SLX9: variants seen among roughly 807,000 people sequenced by gnomAD.
The protein encoded by SLX9 is SLX9 ribosome biogenesis factor.
Under a neutral mutation model 20.8 loss-of-function variants are expected in SLX9, and 19 were observed. The observed-to-expected ratio is 0.91, with a 90% CI of 0.64 to 1.34. The LOEUF (loss-of-function observed/expected upper bound fraction) is 1.34. SLX9 is among the 40% of genes most tolerant of loss of function. The pLI is 0.00. For synonymous variants in SLX9, 113 were observed against 137.1 expected, an observed-to-expected ratio of 0.82 and a Z score of 1.23; for missense variants, 299 against 322.2, an observed-to-expected ratio of 0.93 and a Z score of 0.55.
At chr21:44,957,516 C>T (rs1219836318) in intron 2 of SLX9, among the ~76,000 whole-genome samples, 3 of 152,374 alleles carry the variant, frequency 2.0e-5, no homozygotes, top group Admixed American at 6.5e-5. Flanking sequence ...CAGATACAGG[C>T]GCTGTGGCAG....
In SLX9 at chr21:44,959,011, C is replaced by T. The variant is rs534723211; in HGVS notation, c.284-1089C>T. Reference sequence around the variant, plus strand: ...TACAGAAAAGCTGCAAAATCAGCCCCTCCCCTTTGTGGTCGGGAGGGAGAG... The same window carrying T: ...TACAGAAAAGCTGCAAAATCAGCCCTTCCCCTTTGTGGTCGGGAGGGAGAG... On this transcript the variant is annotated intron_variant, in intron 2 of 5. Coordinates refer to ENST00000291634, the MANE Select transcript of SLX9 (RefSeq NM_058190.4). 2.0e-5 allele frequency among the ~76,000 whole-genome samples: 3 copies of T among 152,336 alleles called. No homozygotes were observed. The South Asian group carries it at 6.2e-4, about 32-fold the overall frequency.
chr21:44,973,517 C>T (rs565217590), intron 5 of SLX9, among the ~76,000 whole-genome samples: 4 of 69,682 alleles, frequency 5.7e-5, no homozygotes, highest in African/African-American at 1.3e-4. Flanking sequence ...GGATTCAGCT[C>T]CTGAGTGCCC....
At chr21:44,970,563 G>A (rs2085124957) in intron 4 of SLX9, among the ~76,000 whole-genome samples, 1 of 152,214 alleles carries the variant, frequency 6.6e-6, no homozygotes, top group Admixed American at 6.5e-5. Flanking sequence ...CCTGTCCCAG[G>A]ATCTGGGGTT....
At chr21:44,967,450 G>A (rs1010355043) in intron 4 of SLX9, among the ~76,000 whole-genome samples, 1 of 152,170 alleles carries the variant, frequency 6.6e-6, no homozygotes, top group Non-Finnish European at 1.5e-5. Context: ...GCTCCCTCAT[G>A]TGCCCCTCCC....
intron 1 of SLX9, among the ~76,000 whole-genome samples, chr21:44,942,918 A>G (rs2084574534): frequency 6.6e-6 from 1 of 152,146 alleles, no homozygotes; most frequent in Admixed American, 6.5e-5. Flanking sequence ...TGGGGGTTTT[A>G]TCTCCTTTCA....
intron 2 of SLX9, among the ~76,000 whole-genome samples, chr21:44,956,503 T>A (rs866546425): frequency 6.6e-6 from 1 of 152,202 alleles, no homozygotes; most frequent in Admixed American, 6.5e-5. Context: ...CATGTGCCGC[T>A]TCAGCTGGTG....
intron 3 of SLX9, among the ~76,000 whole-genome samples, chr21:44,961,479 T>G (rs1312806147): frequency 6.6e-6 from 1 of 152,126 alleles, no homozygotes; most frequent in African/African-American, 2.4e-5. Context: ...CCTAGCGACT[T>G]AGGAGGCTGA....
intron 4 of SLX9, among the ~76,000 whole-genome samples, chr21:44,971,704 C>T (rs1224027761): frequency 9.5e-5 from 13 of 137,002 alleles, no homozygotes; most frequent in Admixed American, 8.8e-4. Flanking sequence ...AGAGGAGGGG[C>T]CCCACGCTGA....
intron 4 of SLX9, among the ~76,000 whole-genome samples, chr21:44,970,108 C>G (rs959404212): frequency 6.6e-6 from 1 of 152,228 alleles, no homozygotes; most frequent in Non-Finnish European, 1.5e-5. Context: ...GACCCCCCCT[C>G]CATGCTGTCC....
intron 2 of SLX9, among the ~76,000 whole-genome samples, chr21:44,948,309 G>GGGAGCTGGTCGT (rs2084685894): frequency 7.3e-6 from 1 of 136,332 alleles, no homozygotes; most frequent in African/African-American, 3.1e-5. Flanking sequence ...GGGCGGTCCG[G>GGGAGCTGGTCGT]GGAGCTGGTC....
chr21:44,966,119 G>A (rs2085029299), intron 3 of SLX9, among the ~76,000 whole-genome samples: 1 of 152,132 alleles, frequency 6.6e-6, no homozygotes, highest in Admixed American at 6.5e-5. Flanking sequence ...GGGACCCAGG[G>A]CAGGGTGGCA....
chr21:44,966,392 G>T (rs1029619835), intron 3 of SLX9, among the ~76,000 whole-genome samples: 4 of 152,224 alleles, frequency 2.6e-5, no homozygotes, highest in Non-Finnish European at 5.9e-5. Context: ...GCGCTCCACA[G>T]CCTCCAGGAG....
Position 44,954,408 on chromosome 21 carries a change from G to A in SLX9, c.284-5692G>A, listed in dbSNP as rs536969848. On this transcript the variant is annotated intron_variant, in intron 2 of 5. Coordinates refer to ENST00000291634, the MANE Select transcript of SLX9 (RefSeq NM_058190.4). ...GCCACCTTCTCTCGGGAGGAATGTC[G>A]AACCCCTGGCTGGGGTGGATGGTGT... Among the ~76,000 whole-genome samples the A allele has an allele frequency of 3.3e-4, 51 of 152,292 alleles. No homozygotes were observed. The East Asian group carries it at 4.1e-3, about 12-fold the overall frequency.
intron 4 of SLX9, among the ~76,000 whole-genome samples, chr21:44,972,488 T>C (rs1297091377): frequency 6.6e-6 from 1 of 152,022 alleles, no homozygotes; most frequent in Non-Finnish European, 1.5e-5. Context: ...CTAAAGGAAA[T>C]AGCCAGCAGC....
intron 2 of SLX9, among the ~76,000 whole-genome samples, chr21:44,945,410 G>T (rs956840335): frequency 1.3e-5 from 2 of 152,212 alleles, no homozygotes; most frequent in African/African-American, 4.8e-5. Flanking sequence ...CCTGGCTCTG[G>T]CCTGAGCTTC....
intron 5 of SLX9, among the ~76,000 whole-genome samples, chr21:44,973,849 A>G (rs1220983258): frequency 2.6e-5 from 4 of 152,164 alleles, no homozygotes; most frequent in African/African-American, 9.7e-5. Context: ...CAGTGCAGTC[A>G]GGTCCTGTGG....
At chr21:44,958,545 C>T (rs1480736519) in intron 2 of SLX9, 1 of 152,380 alleles carries the variant, frequency 6.6e-6, no homozygotes, top group Non-Finnish European at 1.5e-5. Context: ...AATCAGGACC[C>T]ACAGGGCGAG....
chr21:44,942,207 G>A (rs1405763941), intron 1 of SLX9, among the ~76,000 whole-genome samples: 2 of 152,206 alleles, frequency 1.3e-5, no homozygotes, highest in Admixed American at 6.5e-5. Flanking sequence ...TCATGATCTG[G>A]AAGGCTGCAT....
At chr21:44,940,923 C>T (rs1195566738) in intron 1 of SLX9, among the ~76,000 whole-genome samples, 1 of 152,140 alleles carries the variant, frequency 6.6e-6, no homozygotes, top group African/African-American at 2.4e-5. Flanking sequence ...TGCTCTGAGG[C>T]GCTGTTCACT....
Sources: allele counts gnomAD v4.1 joint callset (sites outside exome capture counted in the v4.1 genomes callset), GRCh38; gene constraint gnomAD v4.1.1; transcripts MANE v1.5; gene names NCBI Gene and HGNC (gene_info 2026-07-23, HGNC 2026-07-21).